The following ESR1 variants were observed in gnomAD, a reference collection of about 807,000 sequenced individuals.
The protein encoded by ESR1 is estrogen receptor 1, also known as estrogen receptor.
In ESR1, 12 loss-of-function variants were observed where a neutral mutation model predicts 52.7. That is an observed-to-expected ratio of 0.23 (90% CI 0.15 to 0.37). The LOEUF (loss-of-function observed/expected upper bound fraction) is 0.37, where lower values mean the gene tolerates loss of function less well. ESR1 is among the 10% of genes least tolerant of loss of function. ESR1 has a pLI of 1.00. For missense variants in ESR1, 584 were observed against 779.7 expected, an observed-to-expected ratio of 0.75 and a Z score of 2.99; for synonymous variants, 305 against 316.8, an observed-to-expected ratio of 0.96 and a Z score of 0.39.
chr6:151,766,271 A>G (rs746808239), intron 2 of ESR1, among the ~76,000 whole-genome samples: 2 of 152,172 alleles, frequency 1.3e-5, no homozygotes, highest in Non-Finnish European at 1.5e-5. Context: ...TTTCCTGAAG[A>G]CCAACAACAT....
chr6:151,880,879 A>AT (rs1792791148), intron 3 of ESR1, 108 bp downstream of exon 3: 1 of 681,720 alleles, frequency 1.5e-6, no homozygotes, highest in African/African-American at 1.8e-5. Flanking sequence ...TTTTCTTTTA[A>AT]TTGTTTTTTT....
chr6:151,828,665 G>A (rs1019022248), intron 1 of ESR1, among the ~76,000 whole-genome samples: 2 of 152,174 alleles, frequency 1.3e-5, no homozygotes, highest in Non-Finnish European at 2.9e-5. Context: ...CAAAGAGGTC[G>A]TAATAGCATG....
At chr6:152,118,755 A>G (rs1302390177) in intron 6 of ESR1, among the ~76,000 whole-genome samples, 4 of 152,170 alleles carry the variant, frequency 2.6e-5, no homozygotes, top group African/African-American at 9.7e-5. Context: ...CGTTCAGTAC[A>G]TGTATCCCAG....
chr6:152,098,652 CTTCCCCTTCTAGGGAT>C lies in ESR1; in HGVS notation c.1554-76_1554-61del. 2 of 1,140,784 alleles carry C rather than the reference CTTCCCCTTCTAGGGAT, an allele frequency of 1.8e-6. No homozygotes were observed. Among genetic ancestry groups the C allele is most frequent in the Non-Finnish European group, 2.6e-6 (2 of 767,762 alleles). The allele number at this position is 1,140,784 out of a possible 1,614,324, so 70.7% of individuals were successfully genotyped here. A position where few individuals can be genotyped will look rare whatever the true frequency, so the allele number is the denominator to read the frequency against. On this transcript the variant is annotated intron_variant, in intron 7 of 7. Transcript: ENST00000206249. This position sits in a 1 kb window ranked among gnomAD's most constrained non-coding sequence, Gnocchi z 5.1. ...CTAAGTGTCTTTGGAGTTCCTCTTC[CTTCCCCTTCTAGGGAT>C]TTCAGCACTCCTGGGGCTCGGGTTG... is the stretch of plus-strand genomic sequence containing the variant.
chr6:152,115,140 T>C (rs1001674177), intron 6 of ESR1, among the ~76,000 whole-genome samples: 5 of 152,174 alleles, frequency 3.3e-5, no homozygotes, highest in African/African-American at 9.7e-5. Flanking sequence ...ATGCCATTAC[T>C]ATATACACGA....
At chr6:152,054,021 A>G (rs992036540) in intron 5 of ESR1, among the ~76,000 whole-genome samples, 4 of 152,156 alleles carry the variant, frequency 2.6e-5, no homozygotes, top group Non-Finnish European at 4.4e-5. Context: ...GCACTCATTT[A>G]AAAGATGAGG....
intron 5 of ESR1, among the ~76,000 whole-genome samples, chr6:152,054,272 T>C (rs746164205): frequency 3.3e-5 from 5 of 152,130 alleles, no homozygotes; most frequent in Non-Finnish European, 5.9e-5. Flanking sequence ...TCTGCTAATT[T>C]CTTGCTTTCT....
chr6:151,995,532 A>G (rs1302148989), intron 4 of ESR1, among the ~76,000 whole-genome samples: 2 of 152,218 alleles, frequency 1.3e-5, no homozygotes, highest in African/African-American at 2.4e-5. Flanking sequence ...GACTTAAGAT[A>G]TACATCAGAT....
intron 4 of ESR1, among the ~76,000 whole-genome samples, chr6:151,957,359 G>A (rs571731025): frequency 3.7e-4 from 56 of 152,256 alleles, no homozygotes; most frequent in Non-Finnish European, 7.6e-4. Context: ...AATCATGAGA[G>A]AGCCTGGAAT....
At chr6:152,031,635 A>G (rs1369587580) in intron 5 of ESR1, among the ~76,000 whole-genome samples, 1 of 152,216 alleles carries the variant, frequency 6.6e-6, no homozygotes, top group Admixed American at 6.5e-5. Flanking sequence ...TCTGAAGTTG[A>G]GGCAATAATT....
intron 1 of ESR1, among the ~76,000 whole-genome samples, chr6:151,820,414 T>G (rs1435056563): frequency 6.6e-6 from 1 of 152,212 alleles, no homozygotes; most frequent in Non-Finnish European, 1.5e-5. Context: ...GCCGAAAACC[T>G]TAATGATCAT....
chr6:151,863,928 T>C (rs1162658975), intron 2 of ESR1, among the ~76,000 whole-genome samples: 1 of 152,204 alleles, frequency 6.6e-6, no homozygotes, highest in Non-Finnish European at 1.5e-5. Flanking sequence ...GATTAAAGAC[T>C]TAAATGTTAG....
At chr6:151,768,554 C>G (rs77821927) in intron 2 of ESR1, among the ~76,000 whole-genome samples, 4,580 of 152,090 alleles carry the variant, frequency 0.03, 194 homozygotes, top group African/African-American at 0.1. Flanking sequence ...AATACTGTAC[C>G]TATGTGAATT....
chr6:151,716,978 G>T (rs148652692), intron 2 of ESR1, among the ~76,000 whole-genome samples: 1 of 152,186 alleles, frequency 6.6e-6, no homozygotes, highest in Admixed American at 6.5e-5. Context: ...ACCCAAGGGA[G>T]TCTCCTGGTC....
intron 2 of ESR1, among the ~76,000 whole-genome samples, chr6:151,867,886 C>T (rs576690035): frequency 2.6e-5 from 4 of 152,228 alleles, no homozygotes; most frequent in African/African-American, 9.6e-5. Context: ...CTACAGGAAC[C>T]CTTTGACATT....
chr6:151,767,520 A>C (rs1402954670), intron 2 of ESR1, among the ~76,000 whole-genome samples: 1 of 152,234 alleles, frequency 6.6e-6, no homozygotes, highest in Non-Finnish European at 1.5e-5. Context: ...ATATAGTGAC[A>C]GATCTAATAA....
intron 2 of ESR1, among the ~76,000 whole-genome samples, chr6:151,858,311 A>C (rs1181628558): frequency 2.6e-5 from 4 of 152,218 alleles, no homozygotes; most frequent in African/African-American, 9.6e-5. Flanking sequence ...TGCTGGCCTG[A>C]CCAGCAAGGG....
chr6:151,718,485 C>A (rs1163696911), intron 2 of ESR1, among the ~76,000 whole-genome samples: 1 of 152,088 alleles, frequency 6.6e-6, no homozygotes, highest in East Asian at 1.9e-4. Flanking sequence ...GAGATTTTTC[C>A]CTTTCTACCC....
rs369711792 is a variant in ESR1, at chr6:152,109,348, T to C, written c.851-15918T>C. Among the ~76,000 whole-genome samples, 136 of 152,270 alleles carry C rather than the reference T, an allele frequency of 8.9e-4. No individual in the cohort carries two copies. The South Asian group carries it at 0.014, about 15-fold the overall frequency. On this transcript the variant is annotated intron_variant, in intron 6 of 6. Coordinates refer to the ESR1 transcript ENST00000427531. ...TGTGCATTAAGAAGCTAGTTTTAAG[T>C]TCACATTCGTGGTGGCTTACAGTTA... is the stretch of plus-strand genomic sequence containing the variant.
Sources: gnomAD v4.1 joint callset for allele counts (sites outside exome capture counted in the v4.1 genomes callset) on GRCh38, gnomAD v4.1.1 for gene constraint, Gnocchi (gnomAD v3.1) non-coding constraint, MANE v1.5 for transcripts, NCBI Gene and HGNC (gene_info 2026-07-23, HGNC 2026-07-21) for gene names.